JADE3: variants seen among roughly 807,000 people sequenced by gnomAD.
JADE3 encodes the protein jade family PHD finger 3.
Under a neutral mutation model 50.1 loss-of-function variants are expected in JADE3, and 2 were observed. The observed-to-expected ratio is 0.04, with a 90% CI of 0.02 to 0.13. JADE3 has a LOEUF of 0.13. JADE3 is among the 10% of genes least tolerant of loss of function. The pLI is 1.00. For synonymous variants in JADE3, 218 were observed against 232.9 expected (o/e 0.94, Z 0.58); for missense variants, 475 against 634.4 (o/e 0.75, Z 2.70).
intron 1 of JADE3, among the ~76,000 whole-genome samples, chrX:46,965,889 C>T (rs975023989): frequency 3.6e-5 from 4 of 111,805 alleles, no homozygotes; most frequent in East Asian, 5.6e-4. Context: ...ATCTCTTGAC[C>T]GTGGAGGCAC....
rs781815416 is a variant in JADE3 at position 47,054,436 on chromosome X, C to T, written c.1251C>T (p.Ala417=). The T allele has an allele frequency of 1.1e-5, 13 of 1,211,152 alleles. No homozygotes were observed. The highest frequency in any genetic ancestry group is 3.5e-5 in the South Asian group (2 of 56,964). ...CCTTGGTACGAGTGGAAGATGTGGC[C>T]GCAGAGCTGGGTATGCCCACGCTAG... is the stretch of plus-strand genomic sequence containing the variant. ...FYSLVRVEDV[A]AELGMPTLAV... The change falls in exon 9 of 11, where the codon GCC becomes GCT. Residue 417 remains alanine (A), a synonymous_variant. Transcript: ENST00000614628.
At chrX:46,954,456 A>G (rs1026294452) in intron 1 of JADE3, among the ~76,000 whole-genome samples, 1 of 112,276 alleles carries the variant, frequency 8.9e-6, no homozygotes, top group African/African-American at 3.2e-5. Flanking sequence ...AAGGAAGGAA[A>G]TCCTAAACGA....
At chrX:47,058,096 T>C in intron 10 of JADE3, 71 bp from the exon 11 acceptor site, 1 of 894,061 alleles carries the variant, frequency 1.1e-6, no homozygotes, top group Admixed American at 2.7e-5. Flanking sequence ...GTATGTGAAC[T>C]CACTCTGCCA....
intron 1 of JADE3, among the ~76,000 whole-genome samples, chrX:46,936,785 G>A (rs1203937555): frequency 9.0e-6 from 1 of 111,589 alleles, no homozygotes; most frequent in African/African-American, 3.3e-5. Context: ...TTTAATATCT[G>A]CAGGACCTGT....
intron 1 of JADE3, among the ~76,000 whole-genome samples, chrX:46,917,759 GTTTC>G (rs1488083208): frequency 9.5e-6 from 1 of 105,030 alleles, no homozygotes; most frequent in Non-Finnish European, 1.9e-5. Context: ...AATGAGAGGT[GTTTC>G]TTTCTCTCTC....
chrX:47,005,621 C>T (rs1928397186), intron 4 of JADE3, among the ~76,000 whole-genome samples: 1 of 112,407 alleles, frequency 8.9e-6, no homozygotes, highest in Admixed American at 9.4e-5. Context: ...CAACCTTCTC[C>T]AGCAAAGATG....
chrX:46,920,378 A>G (rs1473000554), intron 1 of JADE3, among the ~76,000 whole-genome samples: 2 of 112,742 alleles, frequency 1.8e-5, no homozygotes, highest in Admixed American at 1.9e-4. Flanking sequence ...ATTCATCCAT[A>G]TTATGTGAAT....
intron 7 of JADE3, among the ~76,000 whole-genome samples, 164 bp downstream of exon 7, chrX:47,033,952 C>T (rs1308688994): frequency 9.0e-6 from 1 of 111,427 alleles, no homozygotes; most frequent in Non-Finnish European, 1.9e-5. Flanking sequence ...ATTGGATGCA[C>T]ACTTGCATGT....
At chrX:46,977,528 G>A (rs1556351880) in intron 1 of JADE3, among the ~76,000 whole-genome samples, 1 of 112,081 alleles carries the variant, frequency 8.9e-6, no homozygotes, top group Non-Finnish European at 1.9e-5. Context: ...CAAACTTTTA[G>A]GTATACAATA....
In JADE3 at chrX:46,947,032, CTCTTT is replaced by C. The variant is rs782033289; in HGVS notation, c.-12+34314_-12+34318del. 5.9e-4 allele frequency among the ~76,000 whole-genome samples: 65 copies of C among 111,065 alleles called. No individual in the cohort carries two copies. The South Asian group carries it at 0.022, about 38-fold the overall frequency. On this transcript the variant is annotated intron_variant, in intron 1 of 10. Coordinates refer to ENST00000614628, the MANE Select transcript of JADE3 (RefSeq NM_014735.5). The stretch of plus-strand genomic sequence containing the variant: ...CTTTTCTCTTCTTTTCTTTTCTTTT[CTCTTT>C]GAGACGGAGTCTCACTCTGTCACCC...
intron 3 of JADE3, among the ~76,000 whole-genome samples, chrX:46,987,069 T>C (rs1328819433): frequency 8.9e-6 from 1 of 112,163 alleles, no homozygotes; most frequent in African/African-American, 3.2e-5. Context: ...AAATGGGATG[T>C]GTTCTCACCT....
chrX:47,029,270 T>C (rs1187126927), intron 6 of JADE3, among the ~76,000 whole-genome samples: 5 of 112,249 alleles, frequency 4.5e-5, no homozygotes, highest in Non-Finnish European at 9.4e-5. Flanking sequence ...AGCTAAATCT[T>C]AATGTCCAAA....
At chrX:46,958,057 T>C (rs192662889) in intron 1 of JADE3, among the ~76,000 whole-genome samples, 1 of 111,959 alleles carries the variant, frequency 8.9e-6, no homozygotes, top group Non-Finnish European at 1.9e-5. Context: ...ATTTATGTGA[T>C]ATGATCCCCA....
At chrX:46,998,827 G>A (rs1556358126) in intron 4 of JADE3, among the ~76,000 whole-genome samples, 1 of 110,291 alleles carries the variant, frequency 9.1e-6, no homozygotes, top group Admixed American at 9.7e-5. Context: ...CAAGTAGTTG[G>A]AATTACAGGC....
At chrX:47,029,304 A>G (rs1335981349) in intron 6 of JADE3, among the ~76,000 whole-genome samples, 1 of 112,080 alleles carries the variant, frequency 8.9e-6, no homozygotes, top group East Asian at 2.8e-4. Context: ...TAAACCAGCA[A>G]TGTGTGTTCA....
chrX:47,050,007 C>T (rs1242263005), intron 8 of JADE3, among the ~76,000 whole-genome samples: 1 of 109,054 alleles, frequency 9.2e-6, no homozygotes, highest in Non-Finnish European at 1.9e-5. Context: ...GTGGCACAAT[C>T]GTGGCTCCTT....
chrX:47,057,888 G>A (rs1345176433), intron 10 of JADE3, among the ~76,000 whole-genome samples: 1 of 111,671 alleles, frequency 9.0e-6, no homozygotes, highest in African/African-American at 3.3e-5. Context: ...GAGATGGGAC[G>A]CAGGAGGCAA....
chrX:46,976,078 G>T (rs147907205), intron 1 of JADE3, among the ~76,000 whole-genome samples: 1 of 110,951 alleles, frequency 9.0e-6, no homozygotes, highest in Non-Finnish European at 1.9e-5. Flanking sequence ...TAGGTCAAAC[G>T]GTGTGAATAT....
At chrX:47,028,702 A>C (rs1308306623) in intron 6 of JADE3, among the ~76,000 whole-genome samples, 1 of 111,063 alleles carries the variant, frequency 9.0e-6, no homozygotes, top group African/African-American at 3.3e-5. Flanking sequence ...TCTTTCTACT[A>C]TACTGCCTTT....
Sources: allele counts gnomAD v4.1 joint callset (sites outside exome capture counted in the v4.1 genomes callset), GRCh38; gene constraint gnomAD v4.1.1; transcripts MANE v1.5; gene names NCBI Gene and HGNC (gene_info 2026-07-23, HGNC 2026-07-21).